The following DRC11L variants were observed in gnomAD, a reference collection of about 807,000 sequenced individuals.
The protein encoded by DRC11L is dynein regulatory complex subunit 11 like.
chr7:151,203,207 G>A, the DRC11L span: 1 of 398,204 alleles, frequency 2.5e-6, no homozygotes, highest in East Asian at 3.6e-5. Flanking sequence ...CATCCTCCCA[G>A]AGTATCTGGG....
At chr7:151,200,500 G>A in the DRC11L span, 1 of 399,330 alleles carries the variant, frequency 2.5e-6, no homozygotes, top group Non-Finnish European at 4.4e-6. Context: ...AGGACACACA[G>A]TCTCCACCCT....
chr7:151,196,869 C>T, the DRC11L span: 1 of 398,676 alleles, frequency 2.5e-6, no homozygotes, highest in Admixed American at 4.4e-5. Context: ...GCCTACACAC[C>T]CACACTGCCA....
the DRC11L span, chr7:151,196,069 T>C: frequency 4.2e-6 from 1 of 235,948 alleles, no homozygotes; most frequent in Non-Finnish European, 8.2e-6. Context: ...AAAGATCACA[T>C]GACTGAACAC....
At chr7:151,204,678 AAGCGGCGC>A in the DRC11L span, 1 of 398,934 alleles carries the variant, frequency 2.5e-6, no homozygotes. Flanking sequence ...GACGGTGTCG[AAGCGGCGC>A]AGCAGCCCCA....
the DRC11L span, chr7:151,200,242 TTCTC>T: frequency 2.5e-6 from 1 of 397,794 alleles, no homozygotes; most frequent in Non-Finnish European, 4.4e-6. Flanking sequence ...TTCTGCCTCT[TTCTC>T]TCCCAGGCTG....
the DRC11L span, chr7:151,193,093 C>T: frequency 7.5e-6 from 3 of 397,640 alleles, no homozygotes; most frequent in Admixed American, 4.4e-5. Flanking sequence ...GCTCTGTGTC[C>T]TCCCTTTTCC....
At chr7:151,198,246 G>C in the DRC11L span, among the ~76,000 whole-genome samples, 1 of 149,516 alleles carries the variant, frequency 6.7e-6, no homozygotes, top group East Asian at 2.0e-4. Flanking sequence ...AGATGGAGAG[G>C]TGGGTAGAAG....
At chr7:151,197,298 TTGCATC>T in the DRC11L span, 4 of 399,150 alleles carry the variant, frequency 1.0e-5, no homozygotes, top group Non-Finnish European at 1.8e-5. Context: ...TTCTGTTCTC[TTGCATC>T]TGCATTTCCA....
At chr7:151,199,437 C>T in the DRC11L span, among the ~76,000 whole-genome samples, 2 of 152,232 alleles carry the variant, frequency 1.3e-5, no homozygotes, top group African/African-American at 4.8e-5. The surrounding 1 kb of genome is among the most constrained non-coding windows in gnomAD (Gnocchi z 5.2). Context: ...TGAGCTCACA[C>T]TGTTGATAGG....
At chr7:151,192,440 C>T in the DRC11L span, 1,333 of 399,356 alleles carry the variant, frequency 3.3e-3, 13 homozygotes, top group African/African-American at 0.023. Flanking sequence ...CTTCTTTATC[C>T]GCTTTGGGTC....
chr7:151,197,890 ACCGG>A, the DRC11L span: 1 of 398,914 alleles, frequency 2.5e-6, no homozygotes, highest in East Asian at 3.6e-5. Flanking sequence ...TAATCAGGGA[ACCGG>A]CCAGTAAGGT....
chr7:151,194,440 G>T, the DRC11L span: 1 of 399,102 alleles, frequency 2.5e-6, no homozygotes, highest in South Asian at 1.3e-4. Flanking sequence ...AGGGAAGGCG[G>T]GGCTGGTGGA....
the DRC11L span, chr7:151,204,624 C>T: frequency 1.5e-5 from 6 of 399,014 alleles, no homozygotes; most frequent in Non-Finnish European, 2.2e-5. Context: ...GTCCAGCAGG[C>T]GTCGCAGCAG....
chr7:151,201,074 C>T, the DRC11L span, among the ~76,000 whole-genome samples: 2 of 152,242 alleles, frequency 1.3e-5, no homozygotes, highest in Middle Eastern at 3.2e-3. This position sits in a 1 kb window ranked among gnomAD's most constrained non-coding sequence, Gnocchi z 4.1. Flanking sequence ...GGCCCAGCTA[C>T]TTTCAGACTC....
At chr7:151,197,145 G>A in the DRC11L span, 44 of 399,538 alleles carry the variant, frequency 1.1e-4, no homozygotes, top group Admixed American at 1.8e-4. Context: ...TTCCTACCAC[G>A]AGTTCCCCCA....
chr7:151,201,731 A>T, the DRC11L span, among the ~76,000 whole-genome samples: 2 of 152,138 alleles, frequency 1.3e-5, no homozygotes, highest in Non-Finnish European at 2.9e-5. The surrounding 1 kb of genome is among the most constrained non-coding windows in gnomAD (Gnocchi z 4.1). Flanking sequence ...TTGAGAGAGA[A>T]AGAGGGCCCA....
At chr7:151,196,159 C>T in the DRC11L span, among the ~76,000 whole-genome samples, 967 of 152,244 alleles carry the variant, frequency 6.4e-3, 9 homozygotes, top group Non-Finnish European at 8.0e-3. Context: ...ACCCTGGCTC[C>T]GAGCCCCTCC....
At chr7:151,198,233 G>T in the DRC11L span, among the ~76,000 whole-genome samples, 1 of 147,918 alleles carries the variant, frequency 6.8e-6, no homozygotes, top group Non-Finnish European at 1.5e-5. Context: ...CAGATGGATA[G>T]ACAGATGGAG....
chr7:151,191,714 G>C, the DRC11L span: 1 of 399,318 alleles, frequency 2.5e-6, no homozygotes, highest in Non-Finnish European at 4.4e-6. Context: ...GGCCACCAGG[G>C]GCCGCTTGGA....
Sources: gnomAD v4.1 joint callset for allele counts (sites outside exome capture counted in the v4.1 genomes callset) on GRCh38, gnomAD v4.1.1 for gene constraint, Gnocchi (gnomAD v3.1) non-coding constraint, MANE v1.5 for transcripts, NCBI Gene and HGNC (gene_info 2026-07-23, HGNC 2026-07-21) for gene names.